The following CNTN5 variants were observed in gnomAD, a reference collection of about 807,000 sequenced individuals.
CNTN5 encodes contactin-5.
A neutral mutation model predicts 129.1 loss-of-function variants in CNTN5; 77 were observed. The observed-to-expected ratio is 0.60, with a 90% CI of 0.50 to 0.72. CNTN5 has a LOEUF of 0.72. CNTN5 is among the 30% of genes least tolerant of loss of function. The pLI is 0.00. For synonymous variants in CNTN5, 509 were observed against 465.6 expected (o/e 1.09, Z -1.20); for missense variants, 1,478 against 1,328.8 (o/e 1.11, Z -1.75).
At position 99,555,563 on chromosome 11, in the gene CNTN5, C is replaced by G. The variant is rs189190021; in HGVS notation, c.-70-582C>G. Among the ~76,000 whole-genome samples the G allele has an allele frequency of 1.5e-3, 226 of 151,968 alleles. 3 individuals are homozygous for G. The highest frequency in any genetic ancestry group is 0.013 in the Admixed American group (204 of 15,230). On this transcript the variant is annotated intron_variant, in intron 2 of 24. Transcript: ENST00000524871. ...AATCCTTTTTCCCTTACGTTCCAGC[C>G]AGCAAAAGATACTGAAAGAAATAAT...
At chr11:99,572,721 A>C (rs998482330) in intron 3 of CNTN5, among the ~76,000 whole-genome samples, 3 of 150,884 alleles carry the variant, frequency 2.0e-5, no homozygotes, top group Non-Finnish European at 4.4e-5. Flanking sequence ...GAAATAGTTA[A>C]AAGTTTTATT....
At position 99,026,974 on chromosome 11, in the gene CNTN5, T is replaced by C. The variant is rs529271362; in HGVS notation, c.-210+5704T>C. ...TTAGAAATTTAAGATCCAATTATAT[T>C]AACTCAGTGGAAACTGCTATACCCG... On this transcript the variant is annotated intron_variant, in intron 1 of 24. Coordinates refer to ENST00000524871, the MANE Select transcript of CNTN5 (RefSeq NM_014361.4). 1.3e-4 allele frequency among the ~76,000 whole-genome samples: 19 copies of C among 151,740 alleles called. No homozygotes were observed. The South Asian group carries it at 3.9e-3, about 31-fold the overall frequency.
chr11:99,897,590 A>T (rs1949240834), intron 6 of CNTN5, among the ~76,000 whole-genome samples: 1 of 152,196 alleles, frequency 6.6e-6, no homozygotes, highest in South Asian at 2.1e-4. Flanking sequence ...CCAGACAAGC[A>T]ATTACTGAGA....
intron 3 of CNTN5, among the ~76,000 whole-genome samples, chr11:99,778,897 T>C (rs1413699459): frequency 7.0e-6 from 1 of 143,870 alleles, no homozygotes; most frequent in Non-Finnish European, 1.5e-5. Context: ...ATTAATTTCA[T>C]AGCATTTTAT....
At chr11:99,211,519 A>G (rs1436681313) in intron 1 of CNTN5, among the ~76,000 whole-genome samples, 1 of 151,426 alleles carries the variant, frequency 6.6e-6, no homozygotes, top group African/African-American at 2.4e-5. Flanking sequence ...TCTCTATTGT[A>G]CAATTCTAAA....
intron 24 of CNTN5, among the ~76,000 whole-genome samples, chr11:100,353,341 C>T (rs902552590): frequency 6.6e-6 from 1 of 151,480 alleles, no homozygotes; most frequent in African/African-American, 2.4e-5. Context: ...GAATGACTTG[C>T]CCAAGTGAAA....
At chr11:99,256,421 GAA>G (rs1862380223) in intron 1 of CNTN5, among the ~76,000 whole-genome samples, 1 of 151,936 alleles carries the variant, frequency 6.6e-6, no homozygotes, top group Non-Finnish European at 1.5e-5. Context: ...TAAGAGTGAA[GAA>G]CTATTACAGT....
intron 2 of CNTN5, among the ~76,000 whole-genome samples, chr11:99,391,391 G>C (rs1042533345): frequency 1.3e-5 from 2 of 152,028 alleles, no homozygotes; most frequent in African/African-American, 4.8e-5. Context: ...GAGAGTTTTA[G>C]GTCGTTAGTA....
chr11:99,230,407 A>G (rs952128846), intron 1 of CNTN5, among the ~76,000 whole-genome samples: 1 of 151,652 alleles, frequency 6.6e-6, no homozygotes, highest in Non-Finnish European at 1.5e-5. Context: ...ACAAATTTAC[A>G]TATTTTCCAT....
chr11:99,425,553 C>A (rs1943082448), intron 2 of CNTN5, among the ~76,000 whole-genome samples: 1 of 152,232 alleles, frequency 6.6e-6, no homozygotes, highest in African/African-American at 2.4e-5. Flanking sequence ...AGCACCACCC[C>A]AAATGTGTGC....
At chr11:99,485,201 C>G (rs1945761539) in intron 2 of CNTN5, among the ~76,000 whole-genome samples, 1 of 149,910 alleles carries the variant, frequency 6.7e-6, no homozygotes, top group Non-Finnish European at 1.5e-5. Context: ...GTCAATGAAA[C>G]ATTTTTGAAA....
intron 3 of CNTN5, among the ~76,000 whole-genome samples, chr11:99,594,477 G>A (rs990080431): frequency 2.0e-5 from 3 of 152,150 alleles, no homozygotes; most frequent in African/African-American, 7.2e-5. Flanking sequence ...GCATGCAGTT[G>A]TTCTTCACCT....
At chr11:99,794,626 A>C (rs1945868861) in intron 3 of CNTN5, among the ~76,000 whole-genome samples, 1 of 152,134 alleles carries the variant, frequency 6.6e-6, no homozygotes, top group South Asian at 2.1e-4. Context: ...TTTGGTAACA[A>C]ATTTCCTTAG....
At chr11:100,224,067 G>T (rs986021567) in intron 15 of CNTN5, among the ~76,000 whole-genome samples, 2 of 152,076 alleles carry the variant, frequency 1.3e-5, no homozygotes, top group South Asian at 4.1e-4. Context: ...TCAGGTATTT[G>T]GAGCTTCCTT....
intron 14 of CNTN5, among the ~76,000 whole-genome samples, chr11:100,192,087 A>G (rs1948511299): frequency 6.6e-6 from 1 of 152,072 alleles, no homozygotes; most frequent in Non-Finnish European, 1.5e-5. Flanking sequence ...TAGAAGAGAG[A>G]ACATCAAGAA....
chr11:99,846,348 G>A (rs1447525322), intron 6 of CNTN5, among the ~76,000 whole-genome samples: 1 of 98,828 alleles, frequency 1.0e-5, no homozygotes. Context: ...ACAGAGTGAG[G>A]ATCTGTCTCA....
intron 9 of CNTN5, among the ~76,000 whole-genome samples, chr11:100,020,922 G>GA (rs927834592): frequency 2.6e-5 from 4 of 151,668 alleles, no homozygotes; most frequent in African/African-American, 9.7e-5. Context: ...AATTGAAGAA[G>GA]AAAAAAATAA....
chr11:99,134,065 C>T lies in CNTN5; in HGVS notation c.-210+112795C>T, dbSNP rs532590872. ...GGTACATATACGTCATGGAATACTACGCAGCTATGAAAAGGAATGAAATCA... is the reference window on the plus strand; with the variant it reads ...GGTACATATACGTCATGGAATACTATGCAGCTATGAAAAGGAATGAAATCA... On this transcript the variant is annotated intron_variant, in intron 1 of 24. Transcript: ENST00000524871. Among the ~76,000 whole-genome samples, 13 of 152,212 alleles carry T rather than the reference C, an allele frequency of 8.5e-5. No individual in the cohort carries two copies. In the East Asian group the frequency reaches 1.4e-3, roughly 16 times the overall value.
intron 3 of CNTN5, among the ~76,000 whole-genome samples, chr11:99,584,102 C>A (rs947257756): frequency 4.6e-5 from 7 of 152,166 alleles, no homozygotes; most frequent in African/African-American, 1.7e-4. Context: ...TGTGATTTCT[C>A]TACCAAATGT....
Sources: gnomAD v4.1 joint callset for allele counts (sites outside exome capture counted in the v4.1 genomes callset) on GRCh38, gnomAD v4.1.1 for gene constraint, MANE v1.5 for transcripts, NCBI Gene and HGNC (gene_info 2026-07-23, HGNC 2026-07-21) for gene names.